Variants in PDZRN3 observed in about 807,000 individuals in gnomAD.
The protein encoded by PDZRN3 is PDZ domain containing ring finger 3, also known as E3 ubiquitin-protein ligase PDZRN3.
In PDZRN3, 38 loss-of-function variants were observed where a neutral mutation model predicts 85.7. The observed-to-expected ratio is 0.44, with a 90% CI of 0.34 to 0.58. PDZRN3 has a LOEUF of 0.58. Among genes scored for constraint, PDZRN3 ranks in the 20% least tolerant of loss-of-function variants. The probability of loss-of-function intolerance (pLI) is 0.01; values close to 1 mark genes in which losing one functional copy is unlikely to be tolerated. For synonymous variants in PDZRN3, 759 were observed against 638.0 expected (o/e 1.19, Z -2.86); for missense variants, 1,629 against 1,506.4 (o/e 1.08, Z -1.35).
At chr3:73,506,842 G>C (rs929285341) in intron 3 of PDZRN3, among the ~76,000 whole-genome samples, 3 of 151,068 alleles carry the variant, frequency 2.0e-5, no homozygotes, top group Non-Finnish European at 4.4e-5. Context: ...GGTTGAGGAT[G>C]CAATCAGCTA....
chr3:73,566,864 A>G (rs889607908), intron 3 of PDZRN3, among the ~76,000 whole-genome samples: 1 of 152,202 alleles, frequency 6.6e-6, no homozygotes, highest in African/African-American at 2.4e-5. Flanking sequence ...TGTGGCAGCC[A>G]TATTTTGACC....
intron 3 of PDZRN3, among the ~76,000 whole-genome samples, chr3:73,448,925 GCTACCACAAAC>G (rs1249439478): frequency 1.3e-5 from 2 of 152,154 alleles, no homozygotes; most frequent in African/African-American, 2.4e-5. Flanking sequence ...AGTTTCTCAT[GCTACCACAAAC>G]CTTCTATTTC....
At chr3:73,594,481 A>G (rs1702405313) in intron 3 of PDZRN3, among the ~76,000 whole-genome samples, 1 of 152,282 alleles carries the variant, frequency 6.6e-6, no homozygotes, top group Admixed American at 6.5e-5. Context: ...CTTTACCTAC[A>G]TTGTTTCCTT....
chr3:73,499,361 A>G (rs1382828353), intron 3 of PDZRN3, among the ~76,000 whole-genome samples: 5 of 152,154 alleles, frequency 3.3e-5, no homozygotes, highest in Admixed American at 2.6e-4. Context: ...TGACGCTGGT[A>G]ACTCACATGG....
At chr3:73,539,045 T>C (rs1704853944) in intron 3 of PDZRN3, among the ~76,000 whole-genome samples, 1 of 152,186 alleles carries the variant, frequency 6.6e-6, no homozygotes, top group African/African-American at 2.4e-5. Flanking sequence ...GTGCTGTTCC[T>C]CCTTAACCAG....
rs773445547 is a variant in PDZRN3, at chr3:73,602,464, T to C, written c.811-3A>G. The C allele has an allele frequency of 1.4e-6, 2 of 1,407,678 alleles. No individual in the cohort carries two copies. The highest frequency in any genetic ancestry group is 1.9e-6 in the Non-Finnish European group (2 of 1,054,650). 87.2% of individuals were successfully genotyped at this position (1,407,678 alleles called of 1,614,324 possible). On this transcript the variant is annotated splice_polypyrimidine_tract_variant and splice_region_variant and intron_variant, in intron 2 of 9. Transcript: ENST00000263666. Reference sequence around the variant, plus strand: ...CTGGATGATCCATCGTGGTTATCCTTTGGGTTAAAAAAAAAAACATGCATG... The same window carrying C: ...CTGGATGATCCATCGTGGTTATCCTCTGGGTTAAAAAAAAAAACATGCATG...
chr3:73,446,369 G>A lies in PDZRN3; in HGVS notation c.919-41974C>T, dbSNP rs1333795847. 2.6e-5 allele frequency among the ~76,000 whole-genome samples: 4 copies of A among 152,292 alleles called. No individual in the cohort carries two copies. The East Asian group carries it at 5.8e-4, about 22-fold the overall frequency. On this transcript the variant is annotated intron_variant, in intron 3 of 9. Transcript: ENST00000263666. ...ACAGCAGCTAATGACCAATCATACCGTGTGCTCTATACACCAATACTATTC... is the reference window on the plus strand; with the variant it reads ...ACAGCAGCTAATGACCAATCATACCATGTGCTCTATACACCAATACTATTC...
intron 1 of PDZRN3, 46 bp downstream of exon 1, chr3:73,624,056 TC>T (rs1270920762): frequency 3.6e-6 from 5 of 1,391,340 alleles, no homozygotes; most frequent in Non-Finnish European, 4.6e-6. Context: ...GGGCCCTGGG[TC>T]CCCAGGGATC....
intron 3 of PDZRN3, among the ~76,000 whole-genome samples, chr3:73,440,530 G>C (rs1702614679): frequency 1.3e-5 from 2 of 152,208 alleles, no homozygotes; most frequent in South Asian, 4.1e-4. Flanking sequence ...CGCCCCGTGA[G>C]ACACCTTGAC....
At chr3:73,392,803 A>G (rs1701555467) in intron 5 of PDZRN3, among the ~76,000 whole-genome samples, 2 of 152,210 alleles carry the variant, frequency 1.3e-5, no homozygotes, top group African/African-American at 2.4e-5. Flanking sequence ...ATGAAACCCC[A>G]TTAATTTCTG....
chr3:73,505,861 A>AC (rs1704060984), intron 3 of PDZRN3, among the ~76,000 whole-genome samples: 1 of 151,954 alleles, frequency 6.6e-6, no homozygotes, highest in African/African-American at 2.4e-5. Flanking sequence ...TGGATTAGAG[A>AC]CCCCCAACCG....
chr3:73,619,185 G>A (rs1215169824), intron 1 of PDZRN3, among the ~76,000 whole-genome samples: 2 of 152,096 alleles, frequency 1.3e-5, no homozygotes, highest in East Asian at 1.9e-4. Flanking sequence ...TTTTAAACAC[G>A]AGCCCACTTT....
intron 5 of PDZRN3, among the ~76,000 whole-genome samples, chr3:73,398,648 G>A (rs1412526215): frequency 3.3e-5 from 5 of 152,196 alleles, no homozygotes; most frequent in African/African-American, 1.2e-4. Flanking sequence ...ATGCTTTGAG[G>A]AGAAAGACTC....
intron 3 of PDZRN3, among the ~76,000 whole-genome samples, chr3:73,479,836 A>G (rs1487158141): frequency 6.6e-6 from 1 of 152,138 alleles, no homozygotes; most frequent in East Asian, 1.9e-4. Context: ...ATACATGGCT[A>G]TAGGTGGTAT....
chr3:73,444,619 C>G (rs1293413074), intron 3 of PDZRN3, among the ~76,000 whole-genome samples: 1 of 152,194 alleles, frequency 6.6e-6, no homozygotes, highest in African/African-American at 2.4e-5. Context: ...ACTCAAGCAG[C>G]TGATGATGTC....
intron 3 of PDZRN3, among the ~76,000 whole-genome samples, chr3:73,488,806 A>C (rs1703713721): frequency 6.6e-6 from 1 of 152,190 alleles, no homozygotes; most frequent in Non-Finnish European, 1.5e-5. Context: ...TTTGTAAGTG[A>C]AATTTGATGG....
chr3:73,541,303 T>C (rs1221697552), intron 3 of PDZRN3, among the ~76,000 whole-genome samples: 2 of 152,164 alleles, frequency 1.3e-5, no homozygotes, highest in Non-Finnish European at 2.9e-5. Context: ...ATGAAGAAAA[T>C]ATAATCTCCC....
chr3:73,387,300 T>C (rs1701416853), intron 8 of PDZRN3, among the ~76,000 whole-genome samples: 1 of 152,234 alleles, frequency 6.6e-6, no homozygotes, highest in Non-Finnish European at 1.5e-5. Flanking sequence ...GGAGCCATTC[T>C]AAGTGGATCA....
chr3:73,398,018 A>T (rs993592892), intron 5 of PDZRN3, among the ~76,000 whole-genome samples: 3 of 152,244 alleles, frequency 2.0e-5, no homozygotes, highest in Admixed American at 2.0e-4. Context: ...TCTAGGGCCA[A>T]ACAGTATATT....
Sources: allele counts gnomAD v4.1 joint callset (sites outside exome capture counted in the v4.1 genomes callset), GRCh38; gene constraint gnomAD v4.1.1; transcripts MANE v1.5; gene names NCBI Gene and HGNC (gene_info 2026-07-23, HGNC 2026-07-21).